Variants in GRIP1 observed in about 807,000 individuals in gnomAD.
GRIP1 encodes glutamate receptor interacting protein 1, also known as glutamate receptor-interacting protein 1.
A neutral mutation model predicts 129.9 loss-of-function variants in GRIP1; 45 were observed. The observed-to-expected ratio is 0.35, with a 90% CI of 0.27 to 0.44. The LOEUF is 0.44. Among genes scored for constraint, GRIP1 ranks in the 20% least tolerant of loss-of-function variants. The pLI is 1.00. For missense variants in GRIP1, 1,196 were observed against 1,396.8 expected, an observed-to-expected ratio of 0.86 and a Z score of 2.29; for synonymous variants, 530 against 520.8, an observed-to-expected ratio of 1.02 and a Z score of -0.24.
intron 16 of GRIP1, among the ~76,000 whole-genome samples, chr12:66,400,431 C>T (rs919620665): frequency 6.6e-6 from 1 of 152,104 alleles, no homozygotes; most frequent in Admixed American, 6.5e-5. Flanking sequence ...TCTGCTACAC[C>T]AATACTCCAA....
intron 1 of GRIP1, among the ~76,000 whole-genome samples, chr12:66,765,443 G>T (rs1039149752): frequency 6.6e-6 from 1 of 152,188 alleles, no homozygotes; most frequent in African/African-American, 2.4e-5. Context: ...TTGCAGTGTT[G>T]CTCTATGCAA....
chr12:67,049,069 C>T (rs1170439651), intron 1 of GRIP1, among the ~76,000 whole-genome samples: 1 of 152,108 alleles, frequency 6.6e-6, no homozygotes, highest in Non-Finnish European at 1.5e-5. Context: ...AAGCAATCCT[C>T]CCACCTCAGC....
chr12:66,348,193 T>C lies in GRIP1; in HGVS notation c.*826A>G, dbSNP rs1245895191. On this transcript the variant is annotated 3_prime_UTR_variant, in exon 25 of 25. Transcript: ENST00000359742. ...CAGTATGAGTTTGGTTTGCCTATCA[T>C]TAAGATGAACCTCATTTTAATAGAC... The C allele has an allele frequency of 6.6e-6, 1 of 152,216 alleles. No individual in the cohort carries two copies. The highest frequency in any genetic ancestry group is 2.4e-5 in the African/African-American group (1 of 41,462). 9.4% of individuals were successfully genotyped at this position (152,216 alleles called of 1,614,324 possible).
At chr12:66,587,747 C>T (rs1335656068) in intron 2 of GRIP1, among the ~76,000 whole-genome samples, 3 of 152,110 alleles carry the variant, frequency 2.0e-5, no homozygotes, top group African/African-American at 4.8e-5. Context: ...GAGAATGCAG[C>T]GAGTGTGCAC....
chr12:66,444,551 A>G (rs1231243656), intron 13 of GRIP1, 33 bp downstream of exon 13: 2 of 1,563,488 alleles, frequency 1.3e-6, no homozygotes, highest in Non-Finnish European at 1.8e-6. Context: ...TATAACTCAC[A>G]TGCAGTCCAC....
intron 1 of GRIP1, among the ~76,000 whole-genome samples, chr12:66,877,550 T>C (rs930795866): frequency 1.3e-5 from 2 of 152,122 alleles, no homozygotes; most frequent in Non-Finnish European, 2.9e-5. Context: ...TCCACAAAAG[T>C]GATTGCAGCC....
At chr12:66,822,880 T>A (rs1159904326) in intron 1 of GRIP1, among the ~76,000 whole-genome samples, 1 of 152,092 alleles carries the variant, frequency 6.6e-6, no homozygotes, top group Non-Finnish European at 1.5e-5. Flanking sequence ...TTGGGTACTA[T>A]CCTCATACCT....
At chr12:66,405,345 C>T (rs2057153408) in intron 16 of GRIP1, among the ~76,000 whole-genome samples, 1 of 152,122 alleles carries the variant, frequency 6.6e-6, no homozygotes, top group Admixed American at 6.6e-5. Context: ...TTTATGGATC[C>T]ATATCACATT....
intron 9 of GRIP1, among the ~76,000 whole-genome samples, chr12:66,460,373 C>T (rs2059100021): frequency 6.6e-6 from 1 of 152,180 alleles, no homozygotes; most frequent in Admixed American, 6.5e-5. Context: ...TTACTCTGTT[C>T]AGGATGTTCG....
chr12:66,732,381 G>C (rs1308104975), intron 1 of GRIP1, among the ~76,000 whole-genome samples: 2 of 152,060 alleles, frequency 1.3e-5, no homozygotes, highest in Non-Finnish European at 2.9e-5. Context: ...GTGAGACCCT[G>C]TTTCTAAAAA....
At chr12:67,020,452 G>A (rs1343625730) in intron 1 of GRIP1, among the ~76,000 whole-genome samples, 1 of 152,188 alleles carries the variant, frequency 6.6e-6, no homozygotes, top group African/African-American at 2.4e-5. Context: ...CTCTTGCCCA[G>A]GCTGGAGTGC....
chr12:66,783,031 A>G (rs755554369), intron 1 of GRIP1, among the ~76,000 whole-genome samples: 8 of 152,078 alleles, frequency 5.3e-5, no homozygotes, highest in Non-Finnish European at 1.2e-4. Flanking sequence ...TGAAAGGCAA[A>G]TGAGTAAAGG....
At chr12:67,053,088 T>G (rs767358225) in intron 1 of GRIP1, among the ~76,000 whole-genome samples, 2 of 152,180 alleles carry the variant, frequency 1.3e-5, no homozygotes, top group African/African-American at 2.4e-5. Flanking sequence ...TGATGAGGAA[T>G]CCATGAGGGG....
intron 14 of GRIP1, among the ~76,000 whole-genome samples, chr12:66,423,904 G>A (rs2057894901): frequency 6.6e-6 from 1 of 152,250 alleles, no homozygotes; most frequent in African/African-American, 2.4e-5. Context: ...CAAACTCCTT[G>A]AAATTTCAGC....
At chr12:66,353,365 C>A (rs182519250) in intron 24 of GRIP1, 52 bp downstream of exon 24, 4 of 1,301,610 alleles carry the variant, frequency 3.1e-6, no homozygotes, top group Non-Finnish European at 4.5e-6. Context: ...GTGGAGGAAG[C>A]TCCCAGTGAG....
intron 2 of GRIP1, among the ~76,000 whole-genome samples, chr12:66,553,610 A>G (rs147633564): frequency 0.017 from 2,568 of 151,674 alleles, 68 homozygotes; most frequent in African/African-American, 0.059. Context: ...AAATCAGGTG[A>G]GCGATCACAG....
At chr12:66,489,294 A>T (rs1159718287) in intron 7 of GRIP1, among the ~76,000 whole-genome samples, 1 of 152,200 alleles carries the variant, frequency 6.6e-6, no homozygotes, top group Non-Finnish European at 1.5e-5. Flanking sequence ...AGTTGGCTTC[A>T]TCCCTGAGAT....
At chr12:66,529,501 T>C (rs1243148721) in intron 5 of GRIP1, among the ~76,000 whole-genome samples, 3 of 152,214 alleles carry the variant, frequency 2.0e-5, no homozygotes, top group South Asian at 2.1e-4. Context: ...CTGGATGGAA[T>C]TGGAGACCAT....
chr12:66,806,579 T>C (rs1393931530), upstream of GRIP1, among the ~76,000 whole-genome samples: 1 of 152,192 alleles, frequency 6.6e-6, no homozygotes, highest in Non-Finnish European at 1.5e-5. Context: ...ACAGAAGAGA[T>C]GGTGCTTTAC....
Sources: allele counts gnomAD v4.1 joint callset (sites outside exome capture counted in the v4.1 genomes callset), GRCh38; gene constraint gnomAD v4.1.1; transcripts MANE v1.5; gene names NCBI Gene and HGNC (gene_info 2026-07-23, HGNC 2026-07-21).